Variants in ERCC5 observed in about 807,000 individuals in gnomAD.
ERCC5 encodes the protein ERCC excision repair 5, endonuclease.
In ERCC5, 68 loss-of-function variants were observed where a neutral mutation model predicts 105.6. That is an observed-to-expected ratio of 0.64 (90% CI 0.53 to 0.79). ERCC5 has a LOEUF of 0.79. Among genes scored for constraint, ERCC5 ranks in the 30% least tolerant of loss-of-function variants. ERCC5 has a pLI of 0.00. For missense variants in ERCC5, 1,373 were observed against 1,426.7 expected (o/e 0.96, Z 0.61); for synonymous variants, 546 against 526.2 (o/e 1.04, Z -0.51).
At chr13:102,874,231 G>A (rs1037423170) in intron 14 of ERCC5, among the ~76,000 whole-genome samples, 1 of 152,048 alleles carries the variant, frequency 6.6e-6, no homozygotes, top group African/African-American at 2.4e-5. Context: ...TGAAGAAAAT[G>A]AATTAAAACT....
intron 12 of ERCC5, 148 bp downstream of exon 12, chr13:102,868,405 T>C (rs1211541862): frequency 8.4e-7 from 1 of 1,184,646 alleles, no homozygotes; most frequent in Non-Finnish European, 1.2e-6. Flanking sequence ...TTGTTTTCCA[T>C]TTTCTAGAGA....
rs751060557 is a variant in ERCC5 at position 102,866,829 on chromosome 13, C to A, written c.2517C>A (p.Asp839Glu). ...NKFVEYYQYVDFHNQLGLDRN... is the reference protein window; with the variant it reads ...NKFVEYYQYVEFHNQLGLDRN... ...TTGTAGAATATTATCAATATGTGGA[C>A]TTTCACAATCAATTGGGTAAGACTT... Residue 839 changes from aspartate (D) to glutamate (E), a missense_variant, in exon 11 of 15, where the codon GAC becomes GAA. By Grantham distance (45) the Asp-to-Glu change is conservative. This residue lies in a region of ERCC5 where 1,004 missense variants were observed against 1,059.7 expected (regional missense o/e 0.95). Transcript: ENST00000652225. 1 of 1,611,010 alleles carries A rather than the reference C, an allele frequency of 6.2e-7. No individual in the cohort carries two copies. Among genetic ancestry groups the A allele is most frequent in the East Asian group, 2.2e-5 (1 of 44,730 alleles).
chr13:102,868,240 A>G lies in ERCC5; in HGVS notation c.2661A>G (p.Glu887=), dbSNP rs1566471581. The G allele has an allele frequency of 6.2e-7, 1 of 1,614,150 alleles. No homozygotes were observed. The highest frequency in any genetic ancestry group is 2.2e-5 in the East Asian group (1 of 44,876). The change falls in exon 12 of 15, where the codon GAA becomes GAG. Residue 887 remains glutamate, a synonymous_variant. Transcript: ENST00000652225. ...ILNEFPGHGL[E]PLLKFSEWWH... ...ATGAATTCCCTGGGCATGGCCTGGA[A>G]CCTCTCCTAAAATTCTCGTAAGGTC...
chr13:102,859,166 C>A (rs1335113384), intron 6 of ERCC5, among the ~76,000 whole-genome samples: 1 of 152,208 alleles, frequency 6.6e-6, no homozygotes, highest in African/African-American at 2.4e-5. Flanking sequence ...AGTTCTTTTT[C>A]TCTTTCTGTT....
chr13:102,861,715 G>C lies in ERCC5; in HGVS notation c.880+1G>C. ...ACTTCACATTACATCTTGATAAAAG[G>C]TATCAGGCACCATCATTTATATATT... On this transcript the variant is annotated splice_donor_variant, in intron 7 of 14. Coordinates refer to ENST00000652225, the MANE Select transcript of ERCC5 (RefSeq NM_000123.4). LOFTEE classifies it high-confidence loss of function. The C allele has an allele frequency of 6.2e-7, 1 of 1,614,038 alleles. No homozygotes were observed. Among genetic ancestry groups the C allele is most frequent in the South Asian group, 1.1e-5 (1 of 91,050 alleles).
In ERCC5 at chr13:102,862,702, A is replaced by G. The variant is rs749830136; in HGVS notation, c.1553A>G (p.Asn518Ser). The part of the protein sequence containing the change: ...VRHSDAPGLP[N>S]GRELTPASPT... ...CATAGTGACGCACCTGGGCTCCCGA[A>G]TGGAAGGGAACTGACACCGGCATCT... Residue 518 changes from asparagine (N) to serine (S), a missense_variant, in exon 8 of 15, where the codon AAT becomes AGT. Physicochemically the swap from Asn to Ser is conservative, Grantham distance 46. Transcript: ENST00000652225. The G allele has an allele frequency of 6.2e-7, 1 of 1,614,202 alleles. No individual in the cohort carries two copies. Among genetic ancestry groups the G allele is most frequent in the Non-Finnish European group, 8.5e-7 (1 of 1,180,040 alleles).
At chr13:102,859,586 G>T (rs776926032) in intron 6 of ERCC5, among the ~76,000 whole-genome samples, 2 of 152,222 alleles carry the variant, frequency 1.3e-5, no homozygotes, top group Non-Finnish European at 2.9e-5. Context: ...ATAACAGGAA[G>T]AAATGGGAGA....
In ERCC5 at chr13:102,872,344, A is replaced by G; in HGVS notation, c.2825A>G (p.Asp942Gly). ...GAGGCCTACCTCAAACCCGTGGTGGATGACTCGAAGGGATCCTTTCTGTGG... is the reference window on the plus strand; with the variant it reads ...GAGGCCTACCTCAAACCCGTGGTGGGTGACTCGAAGGGATCCTTTCTGTGG... ...VAEAYLKPVV[D>G]DSKGSFLWGK... Residue 942 changes from aspartate (D) to glycine (G), a missense_variant, in exon 13 of 15, where the codon GAT becomes GGT. Coordinates refer to ENST00000652225, the MANE Select transcript of ERCC5 (RefSeq NM_000123.4). The G allele has an allele frequency of 6.2e-7, 1 of 1,614,142 alleles. No homozygotes were observed. The highest frequency in any genetic ancestry group is 1.1e-5 in the South Asian group (1 of 91,076).
rs761699560 is a variant in ERCC5 at position 102,846,324 on chromosome 13, G to A, written c.58G>A (p.Glu20Lys). 5.0e-6 allele frequency: 8 copies of A among 1,613,960 alleles called. No individual in the cohort carries two copies. Among genetic ancestry groups the A allele is most frequent in the African/African-American group, 2.7e-5 (2 of 74,916 alleles). Residue 20 changes from glutamate to lysine, a missense_variant, in exon 1 of 15, where the codon GAA (glutamate) becomes AAA (lysine). Glu to Lys is a moderately conservative substitution (Grantham distance 56, BLOSUM62 1). Coordinates refer to ENST00000652225, the MANE Select transcript of ERCC5 (RefSeq NM_000123.4). The stretch of plus-strand genomic sequence containing the variant: ...GTGCTCCGGGCGGCAGGTCAGCCCC[G>A]AAGCGCTGGAAGGGAAGATCCTGGC... ...LECSGRQVSP[E>K]ALEGKILAVD...
intron 1 of ERCC5, among the ~76,000 whole-genome samples, chr13:102,846,636 C>A (rs1940880574): frequency 6.6e-6 from 1 of 152,180 alleles, no homozygotes; most frequent in African/African-American, 2.4e-5. Flanking sequence ...CTTCCGTAAT[C>A]TTTTAAATCG....
chr13:102,853,411 T>C (rs905015650), intron 2 of ERCC5, among the ~76,000 whole-genome samples: 5 of 152,240 alleles, frequency 3.3e-5, no homozygotes, highest in Non-Finnish European at 7.3e-5. Flanking sequence ...AAATTGTTTT[T>C]GGTGTCACTG....
intron 5 of ERCC5, among the ~76,000 whole-genome samples, chr13:102,857,172 A>G (rs1236908403): frequency 1.3e-5 from 2 of 152,140 alleles, no homozygotes; most frequent in South Asian, 2.1e-4. Context: ...TTGTTCTATC[A>G]GGTAGAAACT....
chr13:102,863,566 C>T (rs1882725378), intron 8 of ERCC5, among the ~76,000 whole-genome samples: 2 of 152,202 alleles, frequency 1.3e-5, no homozygotes, highest in South Asian at 2.1e-4. Flanking sequence ...CATTGATCCT[C>T]ATTATTTGTA....
chr13:102,862,805 T>A lies in ERCC5; in HGVS notation c.1656T>A (p.Tyr552Ter), dbSNP rs972930548. The A allele has an allele frequency of 1.2e-6, 2 of 1,614,098 alleles. No homozygotes were observed. The highest frequency in any genetic ancestry group is 1.7e-6 in the Non-Finnish European group (2 of 1,180,042). ...VLEQQNELCPYESKFDSSLLS... is the reference protein window; with the variant it reads ...VLEQQNELCP The stretch of plus-strand genomic sequence containing the variant: ...AGCAGCAGAACGAACTTTGCCCATA[T>A]GAGAGTAAATTCGATTCTTCTCTTC... Residue 552 changes from tyrosine to a stop codon, truncating the protein, a stop_gained, in exon 8 of 15, where the codon TAT becomes TAA. Coordinates refer to ENST00000652225, the MANE Select transcript of ERCC5 (RefSeq NM_000123.4). LOFTEE classifies it high-confidence loss of function.
intron 5 of ERCC5, 139 bp downstream of exon 5, chr13:102,856,251 T>G: frequency 1.3e-6 from 1 of 774,892 alleles, no homozygotes; most frequent in South Asian, 1.6e-5. Flanking sequence ...GTTGTGCATA[T>G]ATATGTGTAC....
At chr13:102,849,969 T>G (rs1213267739) in intron 1 of ERCC5, among the ~76,000 whole-genome samples, 1 of 151,106 alleles carries the variant, frequency 6.6e-6, no homozygotes, top group Admixed American at 6.6e-5. Flanking sequence ...TGAGACAGAG[T>G]CTCCCTCTGT....
At chr13:102,858,507 C>A in intron 6 of ERCC5, 89 bp downstream of exon 6, 1 of 1,557,258 alleles carries the variant, frequency 6.4e-7, no homozygotes, top group Non-Finnish European at 8.8e-7. Context: ...ATAAGCAATA[C>A]TTACACGATA....
chr13:102,847,504 T>A (rs868784064), intron 1 of ERCC5, among the ~76,000 whole-genome samples: 1 of 152,124 alleles, frequency 6.6e-6, no homozygotes, highest in South Asian at 2.1e-4. Context: ...GAGCCCTAAT[T>A]CTTCAGTAGG....
chr13:102,865,522 C>T lies in ERCC5; in HGVS notation c.1955-145C>T. The T allele has an allele frequency of 9.0e-7, 1 of 1,109,750 alleles. No individual in the cohort carries two copies. The highest frequency in any genetic ancestry group is 1.6e-5 in the African/African-American group (1 of 63,660). 68.7% of individuals were successfully genotyped at this position (1,109,750 alleles called of 1,614,324 possible). On this transcript the variant is annotated intron_variant, in intron 8 of 14. Coordinates refer to ENST00000652225, the MANE Select transcript of ERCC5 (RefSeq NM_000123.4). This position sits in a 1 kb window ranked among gnomAD's most constrained non-coding sequence, Gnocchi z 4.0. ...TGATTACATTTATTTATTAATAACG[C>T]TACTATTACATGTATTCTGTTATAG...
Sources: gnomAD v4.1 joint callset for allele counts (sites outside exome capture counted in the v4.1 genomes callset) on GRCh38, gnomAD v4.1.1 for gene constraint, gnomAD v4.1.1 regional missense constraint, Gnocchi (gnomAD v3.1) non-coding constraint, MANE v1.5 for transcripts, NCBI Gene and HGNC (gene_info 2026-07-23, HGNC 2026-07-21) for gene names.